CCDC172: variants seen among roughly 807,000 people sequenced by gnomAD.
The protein encoded by CCDC172 is coiled-coil domain containing 172, also known as coiled-coil domain-containing protein 172.
CCDC172 carries 30 observed loss-of-function variants against 38.0 expected under a neutral mutation model. The ratio of observed to expected loss-of-function variants is 0.79; its 90% confidence interval spans 0.59 to 1.07. The LOEUF (loss-of-function observed/expected upper bound fraction) is 1.07, where lower values mean the gene tolerates loss of function less well. Ranked by LOEUF, CCDC172 falls within the 50% of genes least tolerant of loss-of-function variation. The pLI, the probability that CCDC172 is intolerant of heterozygous loss-of-function variation, is 0.00. For synonymous variants in CCDC172, 78 were observed against 88.3 expected (o/e 0.88, Z 0.66); for missense variants, 297 against 290.1 (o/e 1.02, Z -0.17).
intron 4 of CCDC172, 60 bp from the exon 5 acceptor site, chr10:116,341,975 AT>A (rs139493735): frequency 0.035 from 38,615 of 1,119,214 alleles, 768 homozygotes; most frequent in Non-Finnish European, 0.04. Flanking sequence ...ATTTTAAATA[AT>A]TAAGGAAAAA....
intron 5 of CCDC172, among the ~76,000 whole-genome samples, chr10:116,356,145 A>G (rs1296511831): frequency 1.3e-5 from 2 of 152,042 alleles, no homozygotes; most frequent in African/African-American, 4.8e-5. Context: ...AGCCTGACCA[A>G]CATGGTGAAA....
At chr10:116,332,372 A>G (rs145432115) in intron 3 of CCDC172, among the ~76,000 whole-genome samples, 3 of 152,238 alleles carry the variant, frequency 2.0e-5, no homozygotes, top group African/African-American at 7.2e-5. Context: ...AAACTCTTCA[A>G]TGCCTCACGT....
chr10:116,359,573 C>T (rs1037504688), intron 7 of CCDC172, among the ~76,000 whole-genome samples: 1 of 151,992 alleles, frequency 6.6e-6, no homozygotes, highest in Admixed American at 6.6e-5. Context: ...GCAGTAGCAC[C>T]CTGCATTCAC....
chr10:116,324,728 G>C (rs1191596766), intron 1 of CCDC172, 115 bp downstream of exon 1: 3 of 412,752 alleles, frequency 7.3e-6, no homozygotes, highest in Non-Finnish European at 1.3e-5. Flanking sequence ...TGCCCTCTTA[G>C]GGCGTGAGGG....
In CCDC172 at chr10:116,340,749, G is replaced by GA. The variant is rs1352706660; in HGVS notation, c.186dup (p.Ser63IlefsTer11). The GA allele has an allele frequency of 6.3e-7, 1 of 1,579,952 alleles. No individual in the cohort carries two copies. The highest frequency in any genetic ancestry group is 8.6e-7 in the Non-Finnish European group (1 of 1,160,080). On this transcript the variant is annotated frameshift_variant, in exon 4 of 9. Transcript: ENST00000333254. LOFTEE classifies it high-confidence loss of function. ...TACTTTGAAGGTTCAACAGTTTTTTGAAAAATCCTTCTTCTTACAGCTTTT... is the reference window on the plus strand; with the variant it reads ...TACTTTGAAGGTTCAACAGTTTTTTGAAAAAATCCTTCTTCTTACAGCTTTT...
chr10:116,344,701 G>C (rs1478239441), intron 5 of CCDC172, among the ~76,000 whole-genome samples: 1 of 151,912 alleles, frequency 6.6e-6, no homozygotes, highest in Non-Finnish European at 1.5e-5. Flanking sequence ...ATTAACTTCA[G>C]CTTACTGTAA....
intron 3 of CCDC172, among the ~76,000 whole-genome samples, chr10:116,334,367 A>G (rs1416036010): frequency 6.6e-6 from 1 of 152,174 alleles, no homozygotes; most frequent in Non-Finnish European, 1.5e-5. Context: ...GTGTTTATTT[A>G]TTGCAAATTA....
chr10:116,357,844 G>A lies in CCDC172; in HGVS notation c.559G>A (p.Asp187Asn). 1 of 1,461,292 alleles carries A rather than the reference G, an allele frequency of 6.8e-7. No homozygotes were observed. Among genetic ancestry groups the A allele is most frequent in the Non-Finnish European group, 9.3e-7 (1 of 1,070,918 alleles). The allele number at this position is 1,461,292 out of a possible 1,614,324, so 90.5% of individuals were successfully genotyped here. A position where few individuals can be genotyped will look rare whatever the true frequency, so the allele number is the denominator to read the frequency against. The change falls in exon 7 of 9, where the codon GAT becomes AAT. Residue 187 changes from aspartate (D) to asparagine (N), a missense_variant. Transcript: ENST00000333254. Reference protein sequence around the residue: ...TLQRKLKVFEDEENESICTTK... With the variant: ...TLQRKLKVFENEENESICTTK... ...TTTTTTGATTTGTTTAGTTTTTGAA[G>A]ATGAAGAGAATGAATCCATTTGTAC... is the stretch of plus-strand genomic sequence containing the variant.
intron 3 of CCDC172, among the ~76,000 whole-genome samples, chr10:116,339,135 A>G (rs988358493): frequency 9.2e-5 from 14 of 151,928 alleles, no homozygotes; most frequent in African/African-American, 3.1e-4. Context: ...ATATATTTTC[A>G]ACTCACCATC....
chr10:116,340,582 A>G (rs1327976446), intron 3 of CCDC172, 152 bp from the exon 4 acceptor site: 8 of 536,644 alleles, frequency 1.5e-5, no homozygotes, highest in South Asian at 2.7e-5. Flanking sequence ...GATAGTGTAT[A>G]TAAAATAAGA....
chr10:116,374,218 T>C (rs563885610), intron 7 of CCDC172, among the ~76,000 whole-genome samples: 2 of 152,150 alleles, frequency 1.3e-5, no homozygotes, highest in East Asian at 3.9e-4. Flanking sequence ...CCAAGTCACA[T>C]GAGTAGTGAT....
At position 116,325,082 on chromosome 10, in the gene CCDC172, T is replaced by A. The variant is rs778764739; in HGVS notation, c.71T>A (p.Met24Lys). Residue 24 changes from methionine (M) to lysine (K), a missense_variant, in exon 2 of 9, where the codon ATG becomes AAG. Met to Lys is a moderately conservative substitution (Grantham distance 95, BLOSUM62 -1). Transcript: ENST00000333254. ...CAGGCGGAGGAGAGTCGCCGTTTGA[T>A]GCGAGAAGGTCGGGGTATTTCTGTC... Reference protein sequence around the residue: ...EHQAEESRRLMREVRSEITRC... With the variant: ...EHQAEESRRLKREVRSEITRC... The A allele has an allele frequency of 6.2e-7, 1 of 1,613,938 alleles. No individual in the cohort carries two copies. Among genetic ancestry groups the A allele is most frequent in the Non-Finnish European group, 8.5e-7 (1 of 1,179,976 alleles).
chr10:116,352,776 A>AG (rs1430990891), intron 5 of CCDC172, among the ~76,000 whole-genome samples: 5 of 143,102 alleles, frequency 3.5e-5, no homozygotes, highest in African/African-American at 1.4e-4. Flanking sequence ...AGCAATTAGG[A>AG]AAAAAAAAAA....
intron 3 of CCDC172, among the ~76,000 whole-genome samples, chr10:116,333,076 T>C (rs1046176660): frequency 2.0e-5 from 3 of 152,152 alleles, no homozygotes; most frequent in African/African-American, 7.2e-5. Context: ...TGGACATGTC[T>C]TTGTTTGCAT....
intron 3 of CCDC172, among the ~76,000 whole-genome samples, chr10:116,331,342 C>G (rs1306103187): frequency 6.6e-6 from 1 of 151,970 alleles, no homozygotes. Flanking sequence ...CTGTAGAGGC[C>G]CCTCCCTGAC....
Position 116,353,956 on chromosome 10 carries a change from C to T in CCDC172, c.449-3424C>T, listed in dbSNP as rs570474144. The stretch of plus-strand genomic sequence containing the variant: ...TTTGGCCGTTTCTCAAAGCATTAAA[C>T]CTAGAGTTACCATATGATTCAATGA... On this transcript the variant is annotated intron_variant, in intron 5 of 8. Coordinates refer to ENST00000333254, the MANE Select transcript of CCDC172 (RefSeq NM_198515.3). Among the ~76,000 whole-genome samples the T allele has an allele frequency of 2.3e-4, 35 of 152,248 alleles. 1 individual carries two copies. The South Asian group carries it at 6.8e-3, about 30-fold the overall frequency.
At chr10:116,330,050 C>T (rs1022432293) in intron 3 of CCDC172, among the ~76,000 whole-genome samples, 4 of 152,056 alleles carry the variant, frequency 2.6e-5, no homozygotes, top group African/African-American at 4.8e-5. Context: ...TTTTCTGAAA[C>T]GCCATTTTTA....
intron 7 of CCDC172, among the ~76,000 whole-genome samples, chr10:116,373,520 T>C (rs1187476435): frequency 6.6e-6 from 1 of 152,238 alleles, no homozygotes; most frequent in African/African-American, 2.4e-5. Context: ...TTTTTATTTT[T>C]TTGAGACACA....
At chr10:116,358,637 C>T (rs1042504048) in intron 7 of CCDC172, among the ~76,000 whole-genome samples, 1 of 152,044 alleles carries the variant, frequency 6.6e-6, no homozygotes, top group African/African-American at 2.4e-5. Flanking sequence ...GAAATATGTC[C>T]ACTAGAGCTG....
Sources: allele counts gnomAD v4.1 joint callset (sites outside exome capture counted in the v4.1 genomes callset), GRCh38; gene constraint gnomAD v4.1.1; transcripts MANE v1.5; gene names NCBI Gene and HGNC (gene_info 2026-07-23, HGNC 2026-07-21).